NELL2: variants seen among roughly 807,000 people sequenced by gnomAD.
NELL2 encodes protein kinase C-binding protein NELL2.
NELL2 carries 41 observed loss-of-function variants against 109.6 expected under a neutral mutation model. That is an observed-to-expected ratio of 0.37 (90% CI 0.29 to 0.49). The LOEUF is 0.49. Among genes scored for constraint, NELL2 ranks in the 20% least tolerant of loss-of-function variants. The pLI, the probability that NELL2 is intolerant of heterozygous loss-of-function variation, is 0.98. For synonymous variants in NELL2, 355 were observed against 344.7 expected (o/e 1.03, Z -0.33); for missense variants, 900 against 1,008.3 (o/e 0.89, Z 1.45).
intron 9 of NELL2, among the ~76,000 whole-genome samples, chr12:44,728,366 T>C (rs1021782459): frequency 1.3e-5 from 2 of 151,996 alleles, no homozygotes; most frequent in Non-Finnish European, 2.9e-5. Context: ...CTAGAGGAGT[T>C]CAACAGTAGA....
At chr12:44,585,656 A>C (rs1300122808) in intron 15 of NELL2, among the ~76,000 whole-genome samples, 2 of 152,134 alleles carry the variant, frequency 1.3e-5, no homozygotes, top group Non-Finnish European at 2.9e-5. Context: ...GTCATAGAAC[A>C]AATAGGTACA....
At chr12:44,566,182 T>C (rs1441677818) in intron 15 of NELL2, among the ~76,000 whole-genome samples, 1 of 152,160 alleles carries the variant, frequency 6.6e-6, no homozygotes, top group African/African-American at 2.4e-5. Flanking sequence ...CATAACTCAA[T>C]GGCAAATGTG....
chr12:44,543,808 C>A (rs767134747), intron 15 of NELL2, among the ~76,000 whole-genome samples: 1 of 152,030 alleles, frequency 6.6e-6, no homozygotes, highest in Non-Finnish European at 1.5e-5. Flanking sequence ...TTTGCAAATC[C>A]TCTGGCTGCA....
At chr12:44,867,988 C>T (rs1043479596) in intron 2 of NELL2, among the ~76,000 whole-genome samples, 17 of 151,632 alleles carry the variant, frequency 1.1e-4, no homozygotes, top group South Asian at 2.1e-4. Flanking sequence ...GGTGTAGTGA[C>T]GGGTGCCTGT....
At chr12:44,618,086 TTTAC>T (rs1216785626) in intron 13 of NELL2, among the ~76,000 whole-genome samples, 6 of 152,272 alleles carry the variant, frequency 3.9e-5, no homozygotes, top group Admixed American at 3.3e-4. Flanking sequence ...ATAGAAAAAT[TTTAC>T]TTACTACCAT....
At chr12:44,870,649 T>C (rs550346757) in intron 2 of NELL2, among the ~76,000 whole-genome samples, 1 of 152,308 alleles carries the variant, frequency 6.6e-6, no homozygotes, top group East Asian at 1.9e-4. Flanking sequence ...CTGCAGTCCT[T>C]GGCTTGTGGC....
rs1566618011 is a variant in NELL2, at chr12:44,913,826, CT to C, written c.10del (p.Arg4GlufsTer6). 1 of 811,970 alleles carries C rather than the reference CT, an allele frequency of 1.2e-6. No homozygotes were observed. Among genetic ancestry groups the C allele is most frequent in the Admixed American group, 3.2e-5 (1 of 31,678 alleles). The allele number at this position is 811,970 out of a possible 1,614,324, so 50.3% of individuals were successfully genotyped here. A position where few individuals can be genotyped will look rare whatever the true frequency, so the allele number is the denominator to read the frequency against. ...TTTGAGGATTAAAATGAGAAGTCTTCTTATAGACATTTTATAATAATAATGT... is the reference window on the plus strand; with the variant it reads ...TTTGAGGATTAAAATGAGAAGTCTTCTATAGACATTTTATAATAATAATGT... On this transcript the variant is annotated frameshift_variant, in exon 1 of 21. Transcript: ENST00000333837. LOFTEE classifies it high-confidence loss of function.
chr12:44,585,400 G>A (rs540463836), intron 15 of NELL2, among the ~76,000 whole-genome samples: 4 of 152,176 alleles, frequency 2.6e-5, no homozygotes, highest in Non-Finnish European at 2.9e-5. Flanking sequence ...TCAGGAGTTC[G>A]AGACCACCCT....
chr12:44,639,877 C>T (rs1039997035), intron 13 of NELL2, among the ~76,000 whole-genome samples: 3 of 152,084 alleles, frequency 2.0e-5, no homozygotes, highest in Admixed American at 6.6e-5. Context: ...CATGATCGGA[C>T]CCCACCCTAC....
At chr12:44,665,685 G>C in intron 12 of NELL2, 76 bp from the exon 13 acceptor site, 1 of 1,435,190 alleles carries the variant, frequency 7.0e-7, no homozygotes, top group South Asian at 1.7e-5. Flanking sequence ...CTTTGGTAGG[G>C]AGAGGGAAGT....
intron 15 of NELL2, among the ~76,000 whole-genome samples, chr12:44,571,366 C>A (rs550253760): frequency 1.3e-5 from 2 of 152,306 alleles, no homozygotes; most frequent in African/African-American, 4.8e-5. Context: ...AATTAGCCTG[C>A]ACTAATATAC....
intron 3 of NELL2, among the ~76,000 whole-genome samples, chr12:44,796,776 C>A (rs192340383): frequency 3.4e-4 from 51 of 152,126 alleles, no homozygotes; most frequent in Admixed American, 2.9e-3. Context: ...AGATCAGTAG[C>A]AAATTGAATT....
At chr12:44,604,970 C>T (rs1187212257) in intron 15 of NELL2, among the ~76,000 whole-genome samples, 1 of 152,080 alleles carries the variant, frequency 6.6e-6, no homozygotes, top group Non-Finnish European at 1.5e-5. Context: ...AGGGAAATTG[C>T]TCCCTGATGA....
At chr12:44,765,382 A>G (rs1941288384) in intron 9 of NELL2, among the ~76,000 whole-genome samples, 1 of 148,632 alleles carries the variant, frequency 6.7e-6, no homozygotes, top group Non-Finnish European at 1.5e-5. Context: ...AATGTAACTA[A>G]AGTATACAGT....
At chr12:44,679,172 T>C (rs1318953338) in intron 12 of NELL2, among the ~76,000 whole-genome samples, 1 of 151,868 alleles carries the variant, frequency 6.6e-6, no homozygotes, top group Non-Finnish European at 1.5e-5. Flanking sequence ...GGAGGAGAGG[T>C]TTCTATTCCA....
intron 15 of NELL2, among the ~76,000 whole-genome samples, chr12:44,545,988 C>G (rs7294590): frequency 0.1 from 15,726 of 152,026 alleles, 2,735 homozygotes; most frequent in African/African-American, 0.36. Context: ...GTTATGGTGT[C>G]TTTGTATAAT....
chr12:44,854,715 G>A (rs1944631810), intron 2 of NELL2, among the ~76,000 whole-genome samples: 1 of 151,706 alleles, frequency 6.6e-6, no homozygotes, highest in Admixed American at 6.6e-5. Context: ...TGGGTGGGTG[G>A]GTGGATGGAT....
At chr12:44,609,544 G>A (rs1566013133) in intron 14 of NELL2, among the ~76,000 whole-genome samples, 2 of 152,152 alleles carry the variant, frequency 1.3e-5, no homozygotes, top group Middle Eastern at 6.8e-3. Context: ...AAAACTGTGG[G>A]TAAGAGGGAA....
intron 1 of NELL2, among the ~76,000 whole-genome samples, chr12:44,906,654 A>G (rs1945722560): frequency 6.6e-6 from 1 of 152,092 alleles, no homozygotes; most frequent in Non-Finnish European, 1.5e-5. Context: ...TTTTACCTGA[A>G]TAACTTAACG....
Sources: allele counts gnomAD v4.1 joint callset (sites outside exome capture counted in the v4.1 genomes callset), GRCh38; gene constraint gnomAD v4.1.1; transcripts MANE v1.5; gene names NCBI Gene and HGNC (gene_info 2026-07-23, HGNC 2026-07-21).